SH3BP2: variants seen among roughly 807,000 people sequenced by gnomAD.
SH3BP2 encodes SH3 domain binding protein 2.
In SH3BP2, 38 loss-of-function variants were observed where a neutral mutation model predicts 56.2. The observed-to-expected ratio is 0.68, with a 90% CI of 0.52 to 0.89. The LOEUF (loss-of-function observed/expected upper bound fraction) is 0.89, where lower values mean the gene tolerates loss of function less well. SH3BP2 is among the 40% of genes least tolerant of loss of function. The pLI, the probability that SH3BP2 is intolerant of heterozygous loss-of-function variation, is 0.00. For synonymous variants in SH3BP2, 346 were observed against 316.7 expected, an observed-to-expected ratio of 1.09 and a Z score of -0.98; for missense variants, 748 against 762.6, an observed-to-expected ratio of 0.98 and a Z score of 0.23.
At chr4:2,806,112 G>A (rs190450377) in intron 1 of SH3BP2, among the ~76,000 whole-genome samples, 261 of 152,346 alleles carry the variant, frequency 1.7e-3, no homozygotes, top group African/African-American at 6.1e-3. Flanking sequence ...CAGGAGGAGG[G>A]GATTGAGCCA....
chr4:2,833,505 G>A, intron 12 of SH3BP2, 192 bp from the exon 13 acceptor site: 1 of 683,740 alleles, frequency 1.5e-6, no homozygotes, highest in African/African-American at 1.8e-5. Context: ...AGGACGGAGG[G>A]GAAGTGAGGT....
At chr4:2,832,505 T>TCC in intron 11 of SH3BP2, 93 bp downstream of exon 11, 1 of 919,760 alleles carries the variant, frequency 1.1e-6, no homozygotes, top group Non-Finnish European at 1.8e-6. Flanking sequence ...CCTAAACCAC[T>TCC]CCCCTTGTGG....
chr4:2,822,363 C>T (rs1416829010), intron 2 of SH3BP2, among the ~76,000 whole-genome samples: 2 of 152,108 alleles, frequency 1.3e-5, no homozygotes, highest in African/African-American at 4.8e-5. Context: ...ACATGTTGCT[C>T]AGGCTCACCC....
chr4:2,793,460 G>C (rs1012238551), intron 1 of SH3BP2, among the ~76,000 whole-genome samples: 2 of 150,914 alleles, frequency 1.3e-5, no homozygotes, highest in African/African-American at 2.4e-5. Flanking sequence ...CTTGCCAAAG[G>C]ACGCACGGGG....
chr4:2,803,215 C>T (rs1291602836), intron 1 of SH3BP2, among the ~76,000 whole-genome samples: 1 of 152,214 alleles, frequency 6.6e-6, no homozygotes, highest in Admixed American at 6.5e-5. Context: ...GGGTGCCCAT[C>T]GTGGTGGCTC....
At chr4:2,828,995 G>C (rs991018497) in intron 7 of SH3BP2, among the ~76,000 whole-genome samples, 1 of 152,146 alleles carries the variant, frequency 6.6e-6, no homozygotes, top group African/African-American at 2.4e-5. Context: ...TGCCCGCTCC[G>C]AGTCATGTCC....
chr4:2,812,411 G>T (rs1409857958), intron 1 of SH3BP2: 1 of 1,550,182 alleles, frequency 6.5e-7, no homozygotes. Context: ...GCCTCCCTGG[G>T]CCCCAGGACA....
Position 2,833,759 on chromosome 4 carries a change from C to T in SH3BP2, c.1611C>T (p.His537=), listed in dbSNP as rs1221401911. The change falls in exon 13 of 13, where the codon CAC becomes CAT. Residue 537 remains histidine, a synonymous_variant. Transcript: ENST00000503393. ...TGAGTGTGGGCAGCATGGTGGAGCA[C>T]TACCACACCCACGTGCTGCCCAGCC... is the stretch of plus-strand genomic sequence containing the variant. ...LFVSVGSMVE[H]YHTHVLPSHQ... 6.2e-7 allele frequency: 1 copy of T among 1,604,638 alleles called. No individual in the cohort carries two copies.
chr4:2,833,090 G>A, intron 12 of SH3BP2, 41 bp downstream of exon 12: 1 of 1,581,778 alleles, frequency 6.3e-7, no homozygotes. Context: ...TGGCCGCATG[G>A]CCTGGCAAGG....
intron 1 of SH3BP2, chr4:2,796,701 C>T (rs1723077250): frequency 6.5e-6 from 1 of 152,834 alleles, no homozygotes; most frequent in Admixed American, 6.5e-5. Context: ...TTACTGCGCT[C>T]CTGCTGAGCC....
chr4:2,800,625 G>A (rs1198134046), intron 1 of SH3BP2, among the ~76,000 whole-genome samples: 1 of 152,090 alleles, frequency 6.6e-6, no homozygotes, highest in Non-Finnish European at 1.5e-5. Context: ...GGGCTCCCGT[G>A]CCAGGGGTGG....
intron 1 of SH3BP2, among the ~76,000 whole-genome samples, chr4:2,795,616 G>C (rs1034483841): frequency 6.6e-6 from 1 of 152,204 alleles, no homozygotes; most frequent in African/African-American, 2.4e-5. Context: ...CCCAGACGCA[G>C]TGGAGCGGCT....
Position 2,820,830 on chromosome 4 carries a change from C to T in SH3BP2, c.136+77C>T, listed in dbSNP as rs1410852668. Reference sequence around the variant, plus strand: ...TAGCCATGTAAGTAAGCATCCTCTCCAAGCCTCTGCTTCCTCACATGGTGT... The same window carrying T: ...TAGCCATGTAAGTAAGCATCCTCTCTAAGCCTCTGCTTCCTCACATGGTGT... On this transcript the variant is annotated intron_variant, in intron 2 of 12. Transcript: ENST00000503393. The T allele has an allele frequency of 3.5e-6, 5 of 1,445,808 alleles. No homozygotes were observed. The African/African-American group carries it at 4.2e-5, about 12-fold the overall frequency. 89.6% of individuals were successfully genotyped at this position (1,445,808 alleles called of 1,614,324 possible). A position where few individuals can be genotyped will look rare whatever the true frequency, so the allele number is the denominator to read the frequency against.
rs1465459620 is a variant in SH3BP2, at chr4:2,826,537, GCT to G, written c.429-690_429-689del. 4.8e-4 allele frequency: 107 copies of G among 224,530 alleles called. 2 individuals are homozygous for G. The highest frequency in any genetic ancestry group is 4.4e-3 in the Admixed American group (67 of 15,132). The allele number at this position is 224,530 out of a possible 1,614,324, so 13.9% of individuals were successfully genotyped here. Reference sequence around the variant, plus strand: ...GTGTGTGTGTGCATGTCCGCGTGTTGCTCTGTGTGTGTGTGTGTGCATGTCTG... The same window carrying G: ...GTGTGTGTGTGCATGTCCGCGTGTTGCTGTGTGTGTGTGTGTGCATGTCTG... On this transcript the variant is annotated intron_variant, in intron 5 of 12. Coordinates refer to ENST00000503393, the MANE Select transcript of SH3BP2 (RefSeq NM_001122681.2).
intron 1 of SH3BP2, chr4:2,818,571 G>T (rs1724124116): frequency 2.0e-6 from 1 of 497,740 alleles, no homozygotes; most frequent in Non-Finnish European, 2.8e-6. Context: ...GGGGGACTCA[G>T]GCCGGCACGG....
Position 2,832,164 on chromosome 4 carries a change from G to A in SH3BP2, c.1407-167G>A, listed in dbSNP as rs567767467. The stretch of plus-strand genomic sequence containing the variant: ...CCCAGCTGGCACCCTGGCTGGCCAG[G>A]GCTCTGCTGGGCTGCTTCTGTCAGC... On this transcript the variant is annotated intron_variant, in intron 10 of 12. Coordinates refer to ENST00000503393, the MANE Select transcript of SH3BP2 (RefSeq NM_001122681.2). 8.5e-6 allele frequency: 8 copies of A among 936,104 alleles called. No homozygotes were observed. The Admixed American group carries it at 1.5e-4, about 18-fold the overall frequency. 58.0% of individuals were successfully genotyped at this position (936,104 alleles called of 1,614,324 possible).
chr4:2,813,572 GC>G (rs1723858169), intron 1 of SH3BP2, among the ~76,000 whole-genome samples: 1 of 152,346 alleles, frequency 6.6e-6, no homozygotes, highest in East Asian at 1.9e-4. Context: ...CTGGGCCCTG[GC>G]AGGGCTGGGA....
At chr4:2,812,529 A>G in intron 1 of SH3BP2, 1 of 1,524,992 alleles carries the variant, frequency 6.6e-7, no homozygotes, top group Non-Finnish European at 8.9e-7. Flanking sequence ...CTGGTCTAGC[A>G]CCTGAAGAAC....
At position 2,840,397 on chromosome 4, in the gene SH3BP2, A is replaced by C. The variant is rs1028338893; in HGVS notation, c.*6563A>C. The C allele has an allele frequency of 6.6e-6, 1 of 151,682 alleles. No individual in the cohort carries two copies. Among genetic ancestry groups the C allele is most frequent in the Non-Finnish European group, 1.5e-5 (1 of 67,932 alleles). The allele number at this position is 151,682 out of a possible 1,614,324, so 9.4% of individuals were successfully genotyped here. ...TTTTTGCATATGGTGTGAGGTAAGG[A>C]TTCACTTTCATTTTTTTCTCTCCAT... On this transcript the variant is annotated 3_prime_UTR_variant, in exon 13 of 13. Transcript: ENST00000503393.
Sources: gnomAD v4.1 joint callset for allele counts (sites outside exome capture counted in the v4.1 genomes callset) on GRCh38, gnomAD v4.1.1 for gene constraint, MANE v1.5 for transcripts, NCBI Gene and HGNC (gene_info 2026-07-23, HGNC 2026-07-21) for gene names.